PREX2: variants seen among roughly 807,000 people sequenced by gnomAD.
The protein encoded by PREX2 is phosphatidylinositol 3,4,5-trisphosphate-dependent Rac exchanger 2 protein.
In PREX2, 107 loss-of-function variants were observed where a neutral mutation model predicts 203.2. That is an observed-to-expected ratio of 0.53 (90% CI 0.45 to 0.62). The LOEUF is 0.62. Ranked by LOEUF, PREX2 falls within the 20% of genes least tolerant of loss-of-function variation. PREX2 has a pLI of 0.00. For synonymous variants in PREX2, 672 were observed against 663.6 expected, an observed-to-expected ratio of 1.01 and a Z score of -0.19; for missense variants, 1,777 against 1,955.9, an observed-to-expected ratio of 0.91 and a Z score of 1.72.
chr8:68,213,618 A>G (rs1181140931), intron 37 of PREX2, among the ~76,000 whole-genome samples: 1 of 152,254 alleles, frequency 6.6e-6, no homozygotes, highest in Non-Finnish European at 1.5e-5. Context: ...GGTTACATTT[A>G]TCATATTAAA....
intron 33 of PREX2, among the ~76,000 whole-genome samples, chr8:68,139,004 A>G (rs1022082465): frequency 1.3e-5 from 2 of 152,166 alleles, no homozygotes; most frequent in African/African-American, 4.8e-5. Flanking sequence ...ATAATCACTC[A>G]TTTATTCATG....
At chr8:68,008,320 T>C (rs914787435) in intron 1 of PREX2, among the ~76,000 whole-genome samples, 6 of 152,298 alleles carry the variant, frequency 3.9e-5, no homozygotes, top group African/African-American at 1.2e-4. Flanking sequence ...AGTTACTTTA[T>C]ACGAATTCCC....
chr8:68,099,932 A>G (rs765856654), intron 23 of PREX2, 89 bp downstream of exon 23: 123 of 1,210,646 alleles, frequency 1.0e-4, no homozygotes, highest in Non-Finnish European at 1.4e-4. Flanking sequence ...TTTTCTTTAC[A>G]TATTTGTTAG....
At chr8:68,162,568 AATATTTAC>A (rs1441760404) in intron 35 of PREX2, among the ~76,000 whole-genome samples, 1 of 152,142 alleles carries the variant, frequency 6.6e-6, no homozygotes, top group African/African-American at 2.4e-5. Flanking sequence ...CTAGGTCCCT[AATATTTAC>A]ATGGCATCCA....
intron 1 of PREX2, among the ~76,000 whole-genome samples, chr8:67,992,465 T>TA (rs1806637861): frequency 6.6e-6 from 1 of 152,216 alleles, no homozygotes; most frequent in Non-Finnish European, 1.5e-5. Flanking sequence ...TTTAAGAACT[T>TA]AGAGAAATAG....
chr8:68,220,157 A>G (rs1812927145), intron 38 of PREX2: 2 of 151,992 alleles, frequency 1.3e-5, no homozygotes, highest in African/African-American at 4.8e-5. Context: ...TATAATTTCA[A>G]TATTGTTTTC....
At chr8:68,194,020 A>G (rs1014927760) in intron 37 of PREX2, among the ~76,000 whole-genome samples, 4 of 152,352 alleles carry the variant, frequency 2.6e-5, no homozygotes, top group South Asian at 2.1e-4. Flanking sequence ...TTTGCTCTCT[A>G]TTGCAAGCTT....
intron 1 of PREX2, among the ~76,000 whole-genome samples, chr8:67,977,075 T>G (rs1220090851): frequency 6.6e-6 from 1 of 152,190 alleles, no homozygotes; most frequent in Non-Finnish European, 1.5e-5. Flanking sequence ...ATGTATATGT[T>G]GAAATTCTAA....
At chr8:68,157,183 G>T in intron 34 of PREX2, 139 bp from the exon 35 acceptor site, 1 of 457,568 alleles carries the variant, frequency 2.2e-6, no homozygotes. Flanking sequence ...TTCATTTTTG[G>T]ACCTAACATA....
intron 4 of PREX2, among the ~76,000 whole-genome samples, chr8:68,023,140 G>A (rs558396129): frequency 6.6e-6 from 1 of 152,238 alleles, no homozygotes; most frequent in African/African-American, 2.4e-5. Context: ...CTTTTGGGTA[G>A]ACATTAAACG....
At chr8:68,134,380 T>C (rs1811070247) in intron 32 of PREX2, 104 bp downstream of exon 32, 2 of 864,738 alleles carry the variant, frequency 2.3e-6, no homozygotes, top group South Asian at 3.3e-5. Flanking sequence ...GTTATCTCTA[T>C]GAATGTGCGT....
chr8:67,954,479 A>G (rs147847458), intron 1 of PREX2, among the ~76,000 whole-genome samples: 37 of 152,326 alleles, frequency 2.4e-4, no homozygotes, highest in African/African-American at 7.9e-4. Context: ...TCTGGTTTTG[A>G]TATTAGACTA....
intron 1 of PREX2, among the ~76,000 whole-genome samples, chr8:68,007,604 AC>A (rs1563496985): frequency 6.6e-6 from 1 of 152,174 alleles, no homozygotes; most frequent in African/African-American, 2.4e-5. Flanking sequence ...CACTCGATGT[AC>A]CAGTTACTTT....
chr8:68,104,438 G>A (rs1412382860), intron 23 of PREX2, among the ~76,000 whole-genome samples: 2 of 152,116 alleles, frequency 1.3e-5, no homozygotes, highest in Non-Finnish European at 2.9e-5. Flanking sequence ...CCAGCCCTGT[G>A]GCTTTGCACT....
At chr8:68,130,116 A>G (rs1351891617) in intron 31 of PREX2, among the ~76,000 whole-genome samples, 2 of 146,380 alleles carry the variant, frequency 1.4e-5, no homozygotes, top group Non-Finnish European at 3.0e-5. Context: ...TGCCTCTGCA[A>G]AAAAAAAAAA....
intron 38 of PREX2, among the ~76,000 whole-genome samples, chr8:68,222,054 C>G (rs925054833): frequency 1.3e-5 from 2 of 152,166 alleles, no homozygotes; most frequent in African/African-American, 4.8e-5. Flanking sequence ...ATTGAAATCA[C>G]ATGTATCAGT....
chr8:68,044,216 A>C (rs541926448), intron 7 of PREX2, among the ~76,000 whole-genome samples: 141 of 152,232 alleles, frequency 9.3e-4, no homozygotes, highest in African/African-American at 3.2e-3. Context: ...TATATTGAGC[A>C]AAAGCACATA....
At chr8:67,981,750 T>C (rs1585675292) in intron 1 of PREX2, among the ~76,000 whole-genome samples, 1 of 152,172 alleles carries the variant, frequency 6.6e-6, no homozygotes, top group East Asian at 1.9e-4. Flanking sequence ...AAAATATATA[T>C]TAATCAGGCA....
At chr8:68,104,843 G>A (rs1013619053) in intron 23 of PREX2, among the ~76,000 whole-genome samples, 1 of 152,130 alleles carries the variant, frequency 6.6e-6, no homozygotes, top group East Asian at 1.9e-4. Flanking sequence ...CAGTAAGTTT[G>A]GGCTTGTGGT....
Sources: allele counts gnomAD v4.1 joint callset (sites outside exome capture counted in the v4.1 genomes callset), GRCh38; gene constraint gnomAD v4.1.1; transcripts MANE v1.5; gene names NCBI Gene and HGNC (gene_info 2026-07-23, HGNC 2026-07-21).